The following CCDC178 variants were observed in gnomAD, a reference collection of about 807,000 sequenced individuals.
CCDC178 encodes coiled-coil domain containing 178.
CCDC178 carries 126 observed loss-of-function variants against 117.4 expected under a neutral mutation model. The ratio of observed to expected loss-of-function variants is 1.07; its 90% CI spans 0.93 to 1.24. The LOEUF (loss-of-function observed/expected upper bound fraction) is 1.24, where lower values mean the gene tolerates loss of function less well. Ranked by LOEUF, CCDC178 falls within the 50% of genes most tolerant of loss-of-function variation. The probability of loss-of-function intolerance (pLI) is 0.00; values close to 1 mark genes in which losing one functional copy is unlikely to be tolerated. For missense variants in CCDC178, 1,030 were observed against 986.9 expected (o/e 1.04, Z -0.59); for synonymous variants, 283 against 313.4 (o/e 0.90, Z 1.02).
intron 21 of CCDC178, among the ~76,000 whole-genome samples, chr18:33,009,435 G>T (rs76623425): frequency 6.6e-6 from 1 of 151,858 alleles, no homozygotes; most frequent in African/African-American, 2.4e-5. Flanking sequence ...ACACTGGCCC[G>T]GTGTTACCTT....
At chr18:33,030,678 T>C (rs1460972848) in intron 21 of CCDC178, among the ~76,000 whole-genome samples, 2 of 151,708 alleles carry the variant, frequency 1.3e-5, no homozygotes, top group Non-Finnish European at 2.9e-5. Context: ...AGAAGGTAGA[T>C]AGATGTAGAT....
At chr18:33,217,383 C>A (rs1394878809) in intron 18 of CCDC178, among the ~76,000 whole-genome samples, 1 of 151,976 alleles carries the variant, frequency 6.6e-6, no homozygotes, top group African/African-American at 2.4e-5. Flanking sequence ...ATCATACATA[C>A]AATTGATATA....
chr18:33,015,545 A>G (rs184418237), intron 21 of CCDC178, among the ~76,000 whole-genome samples: 1 of 152,080 alleles, frequency 6.6e-6, no homozygotes, highest in African/African-American at 2.4e-5. Flanking sequence ...AGCCTGAGAG[A>G]CAGTGCGAGA....
intron 21 of CCDC178, among the ~76,000 whole-genome samples, chr18:32,975,042 A>G (rs906674135): frequency 3.3e-5 from 5 of 152,198 alleles, no homozygotes; most frequent in Non-Finnish European, 7.3e-5. Flanking sequence ...CTTGAAAAAA[A>G]TCATCTTTTG....
intron 6 of CCDC178, among the ~76,000 whole-genome samples, chr18:33,356,843 GTC>G (rs1458429136): frequency 6.6e-6 from 1 of 151,932 alleles, no homozygotes; most frequent in African/African-American, 2.4e-5. Context: ...CTGCAAAACC[GTC>G]TCTTGTGGCA....
In CCDC178 at chr18:33,009,618, C is replaced by G. The variant is rs188609204; in HGVS notation, c.2389-34937G>C. Among the ~76,000 whole-genome samples, 774 of 152,242 alleles carry G rather than the reference C, an allele frequency of 5.1e-3. 3 individuals carry two copies. Among genetic ancestry groups the G allele is most frequent in the Non-Finnish European group, 7.0e-3 (474 of 67,976 alleles). ...ATCCTATCTAGAATTCCATCCCTTCCCCAACACACATTCCTATATCCATTC... is the reference window on the plus strand; with the variant it reads ...ATCCTATCTAGAATTCCATCCCTTCGCCAACACACATTCCTATATCCATTC... On this transcript the variant is annotated intron_variant, in intron 21 of 22. Coordinates refer to ENST00000383096, the MANE Select transcript of CCDC178 (RefSeq NM_001105528.4).
At chr18:33,003,300 A>G (rs575229693) in intron 21 of CCDC178, among the ~76,000 whole-genome samples, 2 of 152,246 alleles carry the variant, frequency 1.3e-5, no homozygotes, top group East Asian at 3.9e-4. Flanking sequence ...AATATTAACA[A>G]ACTGAGTTCA....
chr18:32,973,049 C>A (rs905109700), intron 22 of CCDC178, among the ~76,000 whole-genome samples: 3 of 151,974 alleles, frequency 2.0e-5, no homozygotes, highest in Non-Finnish European at 4.4e-5. Context: ...CCCTTCATTT[C>A]CACTGTTATG....
At chr18:32,980,631 C>T (rs982388206) in intron 21 of CCDC178, among the ~76,000 whole-genome samples, 1 of 145,984 alleles carries the variant, frequency 6.9e-6, no homozygotes, top group Non-Finnish European at 1.5e-5. Context: ...AAACAGTATA[C>T]CAGAAAAACA....
intron 4 of CCDC178, among the ~76,000 whole-genome samples, chr18:33,393,452 C>T (rs1262869923): frequency 1.2e-4 from 18 of 151,938 alleles, no homozygotes; most frequent in Admixed American, 1.2e-3. Flanking sequence ...ATGTAATTAC[C>T]ATGACATTCA....
chr18:33,399,465 A>G (rs1028588147), intron 3 of CCDC178, among the ~76,000 whole-genome samples: 9 of 152,236 alleles, frequency 5.9e-5, no homozygotes, highest in African/African-American at 2.2e-4. Flanking sequence ...AAGGAAGCCA[A>G]TCCTCTCAAA....
At chr18:33,372,370 T>A (rs189246020) in intron 5 of CCDC178, among the ~76,000 whole-genome samples, 12 of 152,246 alleles carry the variant, frequency 7.9e-5, no homozygotes, top group African/African-American at 2.4e-4. Context: ...ACTGAACTGA[T>A]AACTAGCTGC....
intron 11 of CCDC178, among the ~76,000 whole-genome samples, chr18:33,316,822 A>C (rs891913361): frequency 1.3e-5 from 2 of 151,914 alleles, no homozygotes; most frequent in African/African-American, 4.8e-5. Context: ...GTCTAGCTCA[A>C]GGTTTGTAAA....
chr18:33,359,069 T>C (rs1471038392), intron 6 of CCDC178, among the ~76,000 whole-genome samples: 2 of 151,852 alleles, frequency 1.3e-5, no homozygotes, highest in African/African-American at 4.8e-5. Context: ...TGTTGATTTA[T>C]GTGACAGTTC....
intron 11 of CCDC178, among the ~76,000 whole-genome samples, chr18:33,322,642 T>C (rs2062528431): frequency 6.6e-6 from 1 of 151,668 alleles, no homozygotes; most frequent in African/African-American, 2.4e-5. Context: ...GAAGAAATCA[T>C]GATAAAAATT....
In CCDC178 at chr18:33,392,246, G is replaced by A. The variant is rs192095757; in HGVS notation, c.119-2617C>T. On this transcript the variant is annotated intron_variant, in intron 4 of 22. Coordinates refer to ENST00000383096, the MANE Select transcript of CCDC178 (RefSeq NM_001105528.4). ...AACCCATAGGGGCTTGTTTATAATAGAGCACTAGAGGCAAATGTCCTATTT... is the reference window on the plus strand; with the variant it reads ...AACCCATAGGGGCTTGTTTATAATAAAGCACTAGAGGCAAATGTCCTATTT... Among the ~76,000 whole-genome samples, 120 of 152,226 alleles carry A rather than the reference G, an allele frequency of 7.9e-4. 1 individual carries two copies. The highest frequency in any genetic ancestry group is 2.3e-3 in the South Asian group (11 of 4,818).
chr18:33,133,495 T>C (rs924221331), intron 20 of CCDC178, among the ~76,000 whole-genome samples: 3 of 151,916 alleles, frequency 2.0e-5, no homozygotes, highest in Non-Finnish European at 4.4e-5. Flanking sequence ...GATATATGCG[T>C]TAACCTTTTT....
Position 33,333,300 on chromosome 18 carries a change from CTCTG to C in CCDC178, c.749_752del (p.Thr250SerfsTer2), listed in dbSNP as rs1387097626. 3.7e-6 allele frequency: 6 copies of C among 1,612,286 alleles called. No individual in the cohort carries two copies. Among genetic ancestry groups the C allele is most frequent in the Non-Finnish European group, 3.4e-6 (4 of 1,178,900 alleles). ...GAATCTTTGCATTTGCTTCTTCTAA[CTCTG>C]TCTTTTGTTTTTCAAAATGTTGTAG... On this transcript the variant is annotated frameshift_variant, in exon 10 of 23. Coordinates refer to ENST00000383096, the MANE Select transcript of CCDC178 (RefSeq NM_001105528.4). LOFTEE classifies it high-confidence loss of function.
intron 2 of CCDC178, among the ~76,000 whole-genome samples, chr18:33,439,333 T>C (rs1401608735): frequency 6.6e-6 from 1 of 150,994 alleles, no homozygotes; most frequent in Non-Finnish European, 1.5e-5. Context: ...GAATCTGAGG[T>C]GGGAGCAGGA....
Sources: allele counts gnomAD v4.1 joint callset (sites outside exome capture counted in the v4.1 genomes callset), GRCh38; gene constraint gnomAD v4.1.1; transcripts MANE v1.5; gene names NCBI Gene and HGNC (gene_info 2026-07-23, HGNC 2026-07-21).